CNOT1: variants seen among roughly 807,000 people sequenced by gnomAD.
CNOT1 encodes the protein CCR4-associated factor 1.
In CNOT1, 15 loss-of-function variants were observed where a neutral mutation model predicts 273.8. The observed-to-expected ratio is 0.05, with a 90% CI of 0.04 to 0.08. CNOT1 has a LOEUF of 0.08. CNOT1 is among the 10% of genes least tolerant of loss of function. The pLI, the probability that CNOT1 is intolerant of heterozygous loss-of-function variation, is 1.00. For synonymous variants in CNOT1, 1,022 were observed against 1,005.5 expected (o/e 1.02, Z -0.31); for missense variants, 1,644 against 2,912.2 (o/e 0.56, Z 10.02).
intron 20 of CNOT1, 54 bp from the exon 21 acceptor site, chr16:58,555,591 C>G (rs574895858): frequency 1.3e-6 from 2 of 1,572,244 alleles, no homozygotes; most frequent in Non-Finnish European, 8.6e-7. Flanking sequence ...TTACTAAGAG[C>G]CTTTCTCAAA....
chr16:58,576,647 T>C (rs1300826450), intron 13 of CNOT1, 65 bp from the exon 14 acceptor site: 1 of 1,597,944 alleles, frequency 6.3e-7, no homozygotes, highest in Non-Finnish European at 8.5e-7. Flanking sequence ...TTATTACAAA[T>C]GCCCAGTTAA....
intron 44 of CNOT1, chr16:58,527,936 C>T (rs1417443141): frequency 3.8e-6 from 1 of 263,914 alleles, no homozygotes; most frequent in South Asian, 3.4e-5. Flanking sequence ...GCTGACATGG[C>T]GAAACCCCAT....
chr16:58,592,536 T>C (rs190484479), intron 2 of CNOT1, among the ~76,000 whole-genome samples: 44 of 152,206 alleles, frequency 2.9e-4, no homozygotes, highest in Non-Finnish European at 1.5e-5. Context: ...CATGAATGTG[T>C]CTGTGAACAG....
At chr16:58,600,752 T>C (rs540821307) in intron 1 of CNOT1, among the ~76,000 whole-genome samples, 8 of 152,268 alleles carry the variant, frequency 5.3e-5, no homozygotes, top group African/African-American at 1.9e-4. Context: ...ACAGGATTAT[T>C]ATCAGTTTAA....
chr16:58,612,051 A>T (rs1597598312), intron 1 of CNOT1, among the ~76,000 whole-genome samples: 1 of 10,164 alleles, frequency 9.8e-5, no homozygotes, highest in African/African-American at 9.5e-4. Flanking sequence ...GGCCAACCTC[A>T]AAACACTCCT....
rs771966361 is a variant in CNOT1 at position 58,578,685 on chromosome 16, C to T, written c.1584+14G>A. The T allele has an allele frequency of 1.2e-5, 20 of 1,611,048 alleles. No individual in the cohort carries two copies. Among genetic ancestry groups the T allele is most frequent in the Non-Finnish European group, 1.2e-5 (14 of 1,177,784 alleles). Reference sequence around the variant, plus strand: ...TTCAGATGAAAAAATGGTAAGCACACGGTCACATCTTACCTGCCCATGCCA... The same window carrying T: ...TTCAGATGAAAAAATGGTAAGCACATGGTCACATCTTACCTGCCCATGCCA... On this transcript the variant is annotated intron_variant, in intron 13 of 48. Transcript: ENST00000317147.
chr16:58,541,661 A>T, intron 33 of CNOT1, 41 bp from the exon 34 acceptor site: 1 of 1,600,958 alleles, frequency 6.2e-7, no homozygotes, highest in South Asian at 1.1e-5. Context: ...TTCACTCAAT[A>T]ATCAAAATAA....
At chr16:58,607,112 A>G (rs1202632845) in intron 1 of CNOT1, among the ~76,000 whole-genome samples, 1 of 152,202 alleles carries the variant, frequency 6.6e-6, no homozygotes, top group African/African-American at 2.4e-5. Flanking sequence ...GAACTCTTGA[A>G]TAGCATGATC....
At chr16:58,613,157 A>G (rs938330913) in intron 1 of CNOT1, among the ~76,000 whole-genome samples, 2 of 151,990 alleles carry the variant, frequency 1.3e-5, no homozygotes, top group Non-Finnish European at 2.9e-5. Flanking sequence ...TCGGGATCCT[A>G]AGTAGCTGGG....
rs564423700 is a variant in CNOT1 at position 58,562,188 on chromosome 16, A to C, written c.1980-1826T>G. 2.8e-3 allele frequency among the ~76,000 whole-genome samples: 430 copies of C among 151,714 alleles called. 2 individuals are homozygous for C. The highest frequency in any genetic ancestry group is 5.0e-3 in the Non-Finnish European group (338 of 67,886). ...ACAGAATGTGAGACTCCGTATCAAAAAAAAAAAAAGAGGCTCTACATGGTA... is the reference window on the plus strand; with the variant it reads ...ACAGAATGTGAGACTCCGTATCAAACAAAAAAAAAGAGGCTCTACATGGTA... On this transcript the variant is annotated intron_variant, in intron 16 of 48. Transcript: ENST00000317147.
intron 19 of CNOT1, among the ~76,000 whole-genome samples, chr16:58,556,194 A>C (rs977264996): frequency 6.6e-6 from 1 of 152,238 alleles, no homozygotes; most frequent in African/African-American, 2.4e-5. Context: ...CCTTAATACA[A>C]CCTCATTAGG....
chr16:58,532,140 T>C (rs183724458), intron 41 of CNOT1, 65 bp from the exon 42 acceptor site: 70 of 1,607,688 alleles, frequency 4.4e-5, no homozygotes, highest in East Asian at 6.7e-5. Context: ...AGCACATGAA[T>C]GTAGGCTCAA....
At chr16:58,579,015 C>G in intron 12 of CNOT1, 76 bp from the exon 13 acceptor site, 1 of 1,541,252 alleles carries the variant, frequency 6.5e-7, no homozygotes. Flanking sequence ...TAAGTGATAC[C>G]AGCTTGTAAG....
chr16:58,541,216 T>C (rs904687366), intron 34 of CNOT1, among the ~76,000 whole-genome samples: 6 of 151,856 alleles, frequency 4.0e-5, no homozygotes, highest in Admixed American at 1.3e-4. Context: ...AAAAAATAAA[T>C]AATAAAATTT....
At chr16:58,556,456 A>G (rs1441749509) in intron 19 of CNOT1, among the ~76,000 whole-genome samples, 1 of 152,244 alleles carries the variant, frequency 6.6e-6, no homozygotes, top group Non-Finnish European at 1.5e-5. Flanking sequence ...GAGTTTAGTT[A>G]GCATAAAAAA....
intron 17 of CNOT1, chr16:58,559,999 C>A: frequency 1.5e-6 from 2 of 1,328,506 alleles, no homozygotes; most frequent in Non-Finnish European, 2.1e-6. Flanking sequence ...AATAAATTGT[C>A]TGTATATTTC....
chr16:58,521,843 T>G (rs1221236267), intron 47 of CNOT1, among the ~76,000 whole-genome samples: 2 of 151,486 alleles, frequency 1.3e-5, no homozygotes, highest in African/African-American at 4.9e-5. Flanking sequence ...ATCCCAGCAG[T>G]CGGACGCTGA....
chr16:58,532,621 C>T (rs2039806084), intron 40 of CNOT1: 1 of 655,458 alleles, frequency 1.5e-6, no homozygotes, highest in Non-Finnish European at 2.4e-6. Context: ...TTGGACCACA[C>T]CTGAATATTC....
At chr16:58,621,765 A>C (rs188886268) in intron 1 of CNOT1, among the ~76,000 whole-genome samples, 6 of 149,460 alleles carry the variant, frequency 4.0e-5, no homozygotes, top group African/African-American at 1.5e-4. Flanking sequence ...AAAAAATACA[A>C]AAAACAAATT....
Sources: gnomAD v4.1 joint callset for allele counts (sites outside exome capture counted in the v4.1 genomes callset) on GRCh38, gnomAD v4.1.1 for gene constraint, MANE v1.5 for transcripts, NCBI Gene and HGNC (gene_info 2026-07-23, HGNC 2026-07-21) for gene names.